WDPCP: variants seen among roughly 807,000 people sequenced by gnomAD.
WDPCP encodes the protein WD repeat containing planar cell polarity effector, also known as WD repeat-containing and planar cell polarity effector protein fritz homolog.
A neutral mutation model predicts 93.1 loss-of-function variants in WDPCP; 71 were observed. That is an observed-to-expected ratio of 0.76 (90% confidence interval 0.63 to 0.93). The LOEUF (loss-of-function observed/expected upper bound fraction) is 0.93, where lower values mean the gene tolerates loss of function less well. Among genes scored for constraint, WDPCP ranks in the 40% least tolerant of loss-of-function variants. The pLI is 0.00. For missense variants in WDPCP, 844 were observed against 887.4 expected (o/e 0.95, Z 0.62); for synonymous variants, 315 against 315.0 (o/e 1.00, Z 0.00).
intron 12 of WDPCP, among the ~76,000 whole-genome samples, chr2:63,318,148 A>G (rs1187267277): frequency 6.6e-6 from 1 of 152,234 alleles, no homozygotes; most frequent in East Asian, 1.9e-4. Flanking sequence ...CACTCAGCCA[A>G]CAAGCATATG....
intron 1 of WDPCP, among the ~76,000 whole-genome samples, chr2:63,815,323 A>G (rs1466902373): frequency 6.6e-6 from 1 of 152,180 alleles, no homozygotes; most frequent in Non-Finnish European, 1.5e-5. Flanking sequence ...AATAAATAAT[A>G]ATCAGAGACT....
intron 1 of WDPCP, among the ~76,000 whole-genome samples, chr2:63,815,881 T>G (rs939251861): frequency 2.0e-5 from 3 of 148,756 alleles, no homozygotes; most frequent in Non-Finnish European, 4.5e-5. Context: ...TTGTTGTTGT[T>G]GTTGTTTATT....
chr2:63,644,310 T>C (rs536098050), intron 3 of WDPCP, among the ~76,000 whole-genome samples: 54 of 139,022 alleles, frequency 3.9e-4, no homozygotes, highest in African/African-American at 1.4e-3. Context: ...AGTGGCGCAA[T>C]CTCAGCTCAT....
intron 12 of WDPCP, among the ~76,000 whole-genome samples, chr2:63,376,815 C>A (rs997464499): frequency 3.3e-5 from 5 of 151,804 alleles, no homozygotes; most frequent in Admixed American, 3.3e-4. Context: ...CATATCATAA[C>A]CCTTGCAATA....
At chr2:63,605,462 G>T (rs1709510715) in intron 3 of WDPCP, 2 of 1,115,476 alleles carry the variant, frequency 1.8e-6, no homozygotes, top group Non-Finnish European at 1.4e-6. Flanking sequence ...AATATAAAAA[G>T]AATATAGCCT....
In WDPCP at chr2:63,521,255, T is replaced by C. The variant is rs141141616; in HGVS notation, c.76-28315A>G. 4.1e-4 allele frequency among the ~76,000 whole-genome samples: 63 copies of C among 152,278 alleles called. No individual in the cohort carries two copies. The East Asian group carries it at 4.6e-3, about 11-fold the overall frequency. On this transcript the variant is annotated intron_variant, in intron 1 of 17. Transcript: ENST00000272321. ...TGCTAAATGCCCTAATTAAAAGGCATAGAGTGGCAGCTTGGATAAGAAGCA... is the reference window on the plus strand; with the variant it reads ...TGCTAAATGCCCTAATTAAAAGGCACAGAGTGGCAGCTTGGATAAGAAGCA...
intron 3 of WDPCP, among the ~76,000 whole-genome samples, chr2:63,645,359 G>C (rs1710035574): frequency 6.6e-6 from 1 of 152,146 alleles, no homozygotes; most frequent in Non-Finnish European, 1.5e-5. Context: ...ATTGTGATCA[G>C]AGAAGATGCT....
chr2:63,337,723 T>C (rs748786003), intron 12 of WDPCP, among the ~76,000 whole-genome samples: 2 of 152,192 alleles, frequency 1.3e-5, no homozygotes, highest in Non-Finnish European at 1.5e-5. Flanking sequence ...TAGGTAATTG[T>C]GGTTTTGATT....
At chr2:63,658,201 C>T (rs984482030) in intron 2 of WDPCP, among the ~76,000 whole-genome samples, 2 of 152,214 alleles carry the variant, frequency 1.3e-5, no homozygotes, top group African/African-American at 4.8e-5. Context: ...AAGAAAAGTT[C>T]CAATGTGTGT....
At chr2:63,238,016 AC>A (rs1679551543) in intron 14 of WDPCP, among the ~76,000 whole-genome samples, 2 of 151,854 alleles carry the variant, frequency 1.3e-5, no homozygotes, top group African/African-American at 2.4e-5. Flanking sequence ...AAAAAAAACA[AC>A]AAAATGCAGC....
intron 13 of WDPCP, among the ~76,000 whole-genome samples, chr2:63,304,045 G>T (rs951055670): frequency 6.7e-6 from 1 of 149,976 alleles, no homozygotes; most frequent in African/African-American, 2.4e-5. Context: ...GTGGGAATGT[G>T]AATTAGTACT....
chr2:63,307,340 C>T (rs948107770), intron 13 of WDPCP, among the ~76,000 whole-genome samples: 1 of 152,058 alleles, frequency 6.6e-6, no homozygotes. Flanking sequence ...TCAATGCTAT[C>T]CCCATCAAGC....
At chr2:63,544,155 T>C (rs1575614669) in intron 1 of WDPCP, among the ~76,000 whole-genome samples, 1 of 152,144 alleles carries the variant, frequency 6.6e-6, no homozygotes, top group Admixed American at 6.6e-5. Context: ...TTTAATTTCA[T>C]CCTGACACCT....
At chr2:63,122,716 A>G (rs1669629226) in intron 17 of WDPCP, among the ~76,000 whole-genome samples, 1 of 152,126 alleles carries the variant, frequency 6.6e-6, no homozygotes, top group Non-Finnish European at 1.5e-5. Context: ...TACAGTGGGG[A>G]CAGTTTTTAA....
rs115570120 is a variant in WDPCP at position 63,120,900 on chromosome 2, G to T, written c.*1106C>A. Among the ~76,000 whole-genome samples, 822 of 152,172 alleles carry T rather than the reference G, an allele frequency of 5.4e-3. 8 individuals carry two copies. Among genetic ancestry groups the T allele is most frequent in the Middle Eastern group, 0.02 (6 of 294 alleles). ...GAATGGGTGTCAATAACTGTGAAGG[G>T]TATGAGATTTTACCCTACTTACTAG... On this transcript the variant is annotated 3_prime_UTR_variant, in exon 18 of 18. Coordinates refer to ENST00000272321, the MANE Select transcript of WDPCP (RefSeq NM_015910.7).
At position 63,595,165 on chromosome 2, in the gene WDPCP, G is replaced by GT. The variant is rs566889952; in HGVS notation, n.488+55493dup. The stretch of plus-strand genomic sequence containing the variant: ...GCTATAGCATGTCACTCAGTTTAAT[G>GT]TTTTTTTCATATACTGTTAAAATTG... On this transcript the variant is annotated intron_variant and non_coding_transcript_variant, in intron 3 of 4. Transcript: ENST00000467687. Among the ~76,000 whole-genome samples the GT allele has an allele frequency of 6.6e-5, 10 of 152,162 alleles. No individual in the cohort carries two copies. In the South Asian group the frequency reaches 8.3e-4, roughly 13 times the overall value.
At chr2:63,566,628 G>A (rs1347233749) in intron 1 of WDPCP, among the ~76,000 whole-genome samples, 3 of 152,194 alleles carry the variant, frequency 2.0e-5, no homozygotes, top group Non-Finnish European at 2.9e-5. Flanking sequence ...GACACCAAAT[G>A]TGTGGAGGTT....
rs765923597 is a variant in WDPCP at position 63,404,605 on chromosome 2, G to C, written c.878C>G (p.Thr293Ser). 4.0e-5 allele frequency: 65 copies of C among 1,613,970 alleles called. No homozygotes were observed. Among genetic ancestry groups the C allele is most frequent in the Middle Eastern group, 1.6e-4 (1 of 6,080 alleles). The change falls in exon 10 of 18, where the codon ACC becomes AGC. Residue 293 changes from threonine (T) to serine (S), a missense_variant. Thr to Ser is a moderately conservative substitution (Grantham distance 58). Coordinates refer to ENST00000272321, the MANE Select transcript of WDPCP (RefSeq NM_015910.7). ...TGTGAACACCTGATAAGGCTGTTTGGTGCCAAAGCGAACATCCAGTGGGTC... is the reference window on the plus strand; with the variant it reads ...TGTGAACACCTGATAAGGCTGTTTGCTGCCAAAGCGAACATCCAGTGGGTC... Reference protein sequence around the residue: ...EWDPLDVRFGTKQPYQVFTVE... With the variant: ...EWDPLDVRFGSKQPYQVFTVE...
intron 6 of WDPCP, among the ~76,000 whole-genome samples, chr2:63,482,636 T>C (rs1467181985): frequency 6.6e-6 from 1 of 151,944 alleles, no homozygotes; most frequent in East Asian, 1.9e-4. Context: ...TAGCTAACAG[T>C]CTTAACTAGA....
Sources: gnomAD v4.1 joint callset for allele counts (sites outside exome capture counted in the v4.1 genomes callset) on GRCh38, gnomAD v4.1.1 for gene constraint, MANE v1.5 for transcripts, NCBI Gene and HGNC (gene_info 2026-07-23, HGNC 2026-07-21) for gene names.